The following CORIN variants were observed in gnomAD, a reference collection of about 807,000 sequenced individuals.
CORIN encodes atrial natriuretic peptide-converting enzyme.
In CORIN, 117 loss-of-function variants were observed where a neutral mutation model predicts 125.3. The ratio of observed to expected loss-of-function variants is 0.93; its 90% CI spans 0.80 to 1.09. The LOEUF is 1.09. CORIN is among the 50% of genes least tolerant of loss of function. The pLI is 0.00. For synonymous variants in CORIN, 450 were observed against 466.4 expected (o/e 0.96, Z 0.45); for missense variants, 1,253 against 1,306.7 (o/e 0.96, Z 0.63).
chr4:47,698,040 TATA>T (rs974150445), intron 5 of CORIN, among the ~76,000 whole-genome samples: 2 of 151,652 alleles, frequency 1.3e-5, no homozygotes, highest in African/African-American at 2.4e-5. Context: ...CTGTATATTC[TATA>T]ATAATTAATT....
intron 10 of CORIN, among the ~76,000 whole-genome samples, chr4:47,670,879 G>A (rs369278518): frequency 1.3e-5 from 2 of 152,316 alleles, no homozygotes; most frequent in African/African-American, 4.8e-5. Flanking sequence ...AAGATGCTGG[G>A]TTGTGACTGG....
At chr4:47,738,379 A>G (rs1728231741) in intron 5 of CORIN, among the ~76,000 whole-genome samples, 2 of 152,300 alleles carry the variant, frequency 1.3e-5, no homozygotes, top group South Asian at 2.1e-4. Flanking sequence ...ATCCCTTGGC[A>G]AAGACTAGGA....
chr4:47,753,748 G>T (rs1729014271), intron 4 of CORIN, among the ~76,000 whole-genome samples: 1 of 151,568 alleles, frequency 6.6e-6, no homozygotes, highest in Non-Finnish European at 1.5e-5. Flanking sequence ...CTGTTACTCT[G>T]TTTTTTTTCA....
intron 1 of CORIN, among the ~76,000 whole-genome samples, chr4:47,809,817 T>C (rs545920865): frequency 2.6e-5 from 4 of 152,358 alleles, no homozygotes; most frequent in South Asian, 4.1e-4. Context: ...CTTGCACTCA[T>C]GGCCACTTAG....
chr4:47,659,996 A>G (rs1472602965), intron 12 of CORIN, among the ~76,000 whole-genome samples: 1 of 152,188 alleles, frequency 6.6e-6, no homozygotes, highest in Non-Finnish European at 1.5e-5. Context: ...AAACAGACAC[A>G]TAGGCTAAGG....
At chr4:47,671,794 T>TA (rs1724772778) in intron 10 of CORIN, among the ~76,000 whole-genome samples, 3 of 152,032 alleles carry the variant, frequency 2.0e-5, no homozygotes, top group Admixed American at 1.3e-4. Context: ...TATCACCATG[T>TA]TAGCCAGGAT....
chr4:47,721,583 A>G lies in CORIN; in HGVS notation c.799+22819T>C, dbSNP rs546503435. Among the ~76,000 whole-genome samples the G allele has an allele frequency of 2.6e-5, 4 of 152,248 alleles. No homozygotes were observed. In the East Asian group the frequency reaches 7.7e-4, roughly 29 times the overall value. On this transcript the variant is annotated intron_variant, in intron 5 of 21. Transcript: ENST00000273857. Reference sequence around the variant, plus strand: ...TGCACCCAGCCCATAACCTCATCTAAACCTAATTATCTCCCAAAGTCTCCA... The same window carrying G: ...TGCACCCAGCCCATAACCTCATCTAGACCTAATTATCTCCCAAAGTCTCCA...
chr4:47,623,096 C>CTATATATATATA (rs1553904935), intron 19 of CORIN, among the ~76,000 whole-genome samples: 25 of 102,292 alleles, frequency 2.4e-4, no homozygotes, highest in East Asian at 2.0e-3. Flanking sequence ...CTCTCTCTCT[C>CTATATATATATA]TATATATATA....
At chr4:47,614,382 A>C (rs560165430) in intron 19 of CORIN, among the ~76,000 whole-genome samples, 1 of 152,196 alleles carries the variant, frequency 6.6e-6, no homozygotes, top group South Asian at 2.1e-4. Flanking sequence ...TTTTCAGTAG[A>C]GATGCGGTTT....
chr4:47,702,552 A>C (rs1726352426), intron 5 of CORIN, among the ~76,000 whole-genome samples: 1 of 152,180 alleles, frequency 6.6e-6, no homozygotes, highest in African/African-American at 2.4e-5. Flanking sequence ...TACTGTACAA[A>C]TTGAACAAAT....
chr4:47,706,877 C>A, intron 5 of CORIN: 2 of 1,598,916 alleles, frequency 1.3e-6, no homozygotes, highest in Non-Finnish European at 1.7e-6. Context: ...ATCTGCAGGC[C>A]GAAAGAGCCG....
rs1162438862 is a variant in CORIN, at chr4:47,671,052, C to G, written c.1357+3341G>C. Reference sequence around the variant, plus strand: ...GGGAATACACAAACCTTTTCATATTCTATTTCAAAGTTCTCACATACCCCT... The same window carrying G: ...GGGAATACACAAACCTTTTCATATTGTATTTCAAAGTTCTCACATACCCCT... On this transcript the variant is annotated intron_variant, in intron 10 of 21. Transcript: ENST00000273857. Among the ~76,000 whole-genome samples, 3 of 152,200 alleles carry G rather than the reference C, an allele frequency of 2.0e-5. No homozygotes were observed. In the East Asian group the frequency reaches 5.8e-4, roughly 29 times the overall value.
Position 47,680,431 on chromosome 4 carries a change from T to C in CORIN, c.1022-180A>G, listed in dbSNP as rs1012295380. ...CGCCCTCCCCACTCATGTGCCCCACTGACCACCATCACTGTGGGGTAAGAT... is the reference window on the plus strand; with the variant it reads ...CGCCCTCCCCACTCATGTGCCCCACCGACCACCATCACTGTGGGGTAAGAT... On this transcript the variant is annotated intron_variant, in intron 7 of 21. Transcript: ENST00000273857. 9 of 551,316 alleles carry C rather than the reference T, an allele frequency of 1.6e-5. No homozygotes were observed. The African/African-American group carries it at 1.7e-4, about 11-fold the overall frequency. 34.2% of individuals were successfully genotyped at this position (551,316 alleles called of 1,614,324 possible).
chr4:47,667,175 T>C lies in CORIN; in HGVS notation c.1358-1912A>G, dbSNP rs566174308. Among the ~76,000 whole-genome samples, 11 of 152,350 alleles carry C rather than the reference T, an allele frequency of 7.2e-5. No homozygotes were observed. In the South Asian group the frequency reaches 1.7e-3, roughly 23 times the overall value. ...CTCATTCTTCTCTTGTCTGCCACCA[T>C]GTGAGACGTGCCTTTTACCTTCCAC... On this transcript the variant is annotated intron_variant, in intron 10 of 21. Coordinates refer to ENST00000273857, the MANE Select transcript of CORIN (RefSeq NM_006587.4).
At chr4:47,625,412 A>G (rs1268904389) in intron 17 of CORIN, among the ~76,000 whole-genome samples, 1 of 152,122 alleles carries the variant, frequency 6.6e-6, no homozygotes, top group Non-Finnish European at 1.5e-5. Flanking sequence ...ACCAACTCCC[A>G]ATCTAGAATG....
In CORIN at chr4:47,626,468, A is replaced by G. The variant is rs751758397; in HGVS notation, c.2252T>C (p.Leu751Pro). 4 of 1,614,078 alleles carry G rather than the reference A, an allele frequency of 2.5e-6. No homozygotes were observed. In the Admixed American group the frequency reaches 5.0e-5, roughly 20 times the overall value. ...GCTCTCCCAGTTGGAGTGTAATGTC[A>G]GCCACCGCGGCTCTTTCTCCTGTTC... ...IQEQEKEPRWLTLHSNWESLN... is the reference protein window; with the variant it reads ...IQEQEKEPRWPTLHSNWESLN... Residue 751 changes from leucine to proline, a missense_variant, in exon 17 of 22, where the codon CTG becomes CCG. Leu to Pro is a moderately conservative substitution (Grantham distance 98). Coordinates refer to ENST00000273857, the MANE Select transcript of CORIN (RefSeq NM_006587.4).
intron 5 of CORIN, among the ~76,000 whole-genome samples, chr4:47,738,148 C>T (rs1728215595): frequency 6.6e-6 from 1 of 152,084 alleles, no homozygotes; most frequent in African/African-American, 2.4e-5. Flanking sequence ...TGCTGAGAAT[C>T]TAGAAGATCC....
chr4:47,602,840 GA>G (rs1482280310), intron 20 of CORIN, among the ~76,000 whole-genome samples: 1 of 152,122 alleles, frequency 6.6e-6, no homozygotes, highest in Non-Finnish European at 1.5e-5. Flanking sequence ...TTTTGTAAGA[GA>G]AAATGGGAAA....
intron 2 of CORIN, among the ~76,000 whole-genome samples, 199 bp downstream of exon 2, chr4:47,806,704 C>T (rs1731810700): frequency 6.6e-6 from 1 of 152,150 alleles, no homozygotes; most frequent in African/African-American, 2.4e-5. Flanking sequence ...AATTCATAAA[C>T]TCATTCATTA....
Sources: gnomAD v4.1 joint callset for allele counts (sites outside exome capture counted in the v4.1 genomes callset) on GRCh38, gnomAD v4.1.1 for gene constraint, MANE v1.5 for transcripts, NCBI Gene and HGNC (gene_info 2026-07-23, HGNC 2026-07-21) for gene names.